The following GPR107 variants were observed in gnomAD, a reference collection of about 807,000 sequenced individuals.
The protein encoded by GPR107 is protein GPR107.
A neutral mutation model predicts 75.5 loss-of-function variants in GPR107; 31 were observed. The ratio of observed to expected loss-of-function variants is 0.41; its 90% CI spans 0.31 to 0.55. GPR107 has a LOEUF of 0.55. Ranked by LOEUF, GPR107 falls within the 20% of genes least tolerant of loss-of-function variation. GPR107 has a pLI of 0.26. For synonymous variants in GPR107, 267 were observed against 251.3 expected (o/e 1.06, Z -0.59); for missense variants, 572 against 665.7 (o/e 0.86, Z 1.55).
chr9:130,129,033 A>G (rs1447168391), intron 17 of GPR107: 1 of 333,218 alleles, frequency 3.0e-6, no homozygotes, highest in African/African-American at 2.1e-5. Context: ...ACTCAGTGGC[A>G]AGAACTTAGG....
At chr9:130,069,029 C>T (rs772734039) in intron 1 of GPR107, among the ~76,000 whole-genome samples, 4 of 152,068 alleles carry the variant, frequency 2.6e-5, no homozygotes, top group African/African-American at 7.2e-5. Flanking sequence ...TGTGAGCCAG[C>T]GTGCCCTGCC....
chr9:130,082,989 C>T (rs974171009), intron 5 of GPR107, among the ~76,000 whole-genome samples: 1 of 152,106 alleles, frequency 6.6e-6, no homozygotes, highest in Non-Finnish European at 1.5e-5. Context: ...GGTATGATCT[C>T]AGCTCACTGC....
At position 130,092,380 on chromosome 9, in the gene GPR107, C is replaced by G; in HGVS notation, c.862C>G (p.Arg288Gly). 1.2e-6 allele frequency: 2 copies of G among 1,610,744 alleles called. No individual in the cohort carries two copies. The change falls in exon 9 of 18, where the codon CGG becomes GGG. Residue 288 changes from arginine to glycine, a missense_variant and splice_region_variant. Arg to Gly is a moderately radical substitution (Grantham distance 125). Transcript: ENST00000347136. ...TIWIHILRKRRNDVFKIHWLM... is the reference protein window; with the variant it reads ...TIWIHILRKRGNDVFKIHWLM... ...CTGGATTCATATCCTTCGAAAACGA[C>G]GGTAAACTATTTCTCCCTTCAACTT...
intron 9 of GPR107, among the ~76,000 whole-genome samples, chr9:130,094,454 T>TTAC: frequency 6.6e-6 from 1 of 152,134 alleles, no homozygotes. Flanking sequence ...ACACCTGTAG[T>TTAC]GCTCACTACT....
Position 130,057,478 on chromosome 9 carries a change from G to T in GPR107, c.141+3405G>T, listed in dbSNP as rs957636175. Among the ~76,000 whole-genome samples the T allele has an allele frequency of 2.0e-5, 3 of 149,452 alleles. No homozygotes were observed. The Admixed American group carries it at 2.0e-4, about 10-fold the overall frequency. On this transcript the variant is annotated intron_variant, in intron 1 of 17. Transcript: ENST00000347136. ...TGAGCTATAATGGCTCCAGCCTGGG[G>T]GACAGAGTGAGACCCTATTTCTTAA...
chr9:130,056,102 T>C (rs533706254), intron 1 of GPR107, among the ~76,000 whole-genome samples: 2 of 151,828 alleles, frequency 1.3e-5, no homozygotes, highest in African/African-American at 4.8e-5. Flanking sequence ...TTTTGACTCT[T>C]TGAGAATCTG....
intron 1 of GPR107, among the ~76,000 whole-genome samples, chr9:130,068,867 T>G (rs1221835996): frequency 2.6e-5 from 4 of 151,786 alleles, no homozygotes; most frequent in Non-Finnish European, 1.5e-5. Flanking sequence ...GCCTTCTGAG[T>G]AGCTGGGACC....
chr9:130,130,882 A>AAG (rs1554898968), intron 17 of GPR107, among the ~76,000 whole-genome samples: 54 of 151,018 alleles, frequency 3.6e-4, no homozygotes, highest in African/African-American at 1.1e-3. Flanking sequence ...AAAAAGAAAA[A>AAG]AAAAAAAAAA....
Position 130,107,512 on chromosome 9 carries a change from CAAG to C in GPR107, c.1283_1285del (p.Glu428del). The C allele has an allele frequency of 6.3e-7, 1 of 1,598,096 alleles. No individual in the cohort carries two copies. The highest frequency in any genetic ancestry group is 2.2e-5 in the East Asian group (1 of 44,824). ...TATTTTTAGGTCAATCAGACATTTA[CAAG>C]AAGCATCAGCAACAGATGGAAAAGG... On this transcript the variant is annotated inframe_deletion, in exon 14 of 18. Coordinates refer to ENST00000347136, the MANE Select transcript of GPR107 (RefSeq NM_020960.5).
At chr9:130,096,432 AGAACTGCTCAAAT>A (rs1830870079) in intron 9 of GPR107, among the ~76,000 whole-genome samples, 1 of 150,740 alleles carries the variant, frequency 6.6e-6, no homozygotes, top group Non-Finnish European at 1.5e-5. Flanking sequence ...CCAGTAGTGG[AGAACTGCTCAAAT>A]GTGTTGCATA....
chr9:130,089,103 G>A (rs7871516), intron 7 of GPR107, among the ~76,000 whole-genome samples: 5,066 of 152,092 alleles, frequency 0.033, 284 homozygotes, highest in African/African-American at 0.12. Flanking sequence ...CCGGGAGGCT[G>A]AGGTTGCAAT....
chr9:130,060,992 A>G (rs1022892638), intron 1 of GPR107, among the ~76,000 whole-genome samples: 5 of 152,238 alleles, frequency 3.3e-5, no homozygotes, highest in Non-Finnish European at 5.9e-5. Context: ...AGGAGTATGC[A>G]CCTGAAACTT....
intron 9 of GPR107, among the ~76,000 whole-genome samples, chr9:130,096,259 T>A (rs1447788866): frequency 1.3e-5 from 2 of 151,998 alleles, no homozygotes; most frequent in Non-Finnish European, 2.9e-5. Flanking sequence ...TGACTTCCCT[T>A]TTGACCTTCA....
intron 14 of GPR107, among the ~76,000 whole-genome samples, chr9:130,109,508 G>A (rs1054447911): frequency 1.5e-4 from 23 of 151,048 alleles, no homozygotes; most frequent in African/African-American, 5.1e-4. Flanking sequence ...TTCTTTTATC[G>A]TGTTATATAA....
intron 14 of GPR107, among the ~76,000 whole-genome samples, chr9:130,111,781 C>T (rs1831309175): frequency 6.6e-6 from 1 of 152,106 alleles, no homozygotes; most frequent in Admixed American, 6.6e-5. Context: ...CTCTGGATTC[C>T]TTTTGACCAA....
chr9:130,134,546 G>C (rs1007946139), intron 17 of GPR107, among the ~76,000 whole-genome samples: 1 of 152,214 alleles, frequency 6.6e-6, no homozygotes, highest in Non-Finnish European at 1.5e-5. Context: ...GATCCTGGAA[G>C]GTTCCTCTAA....
intron 14 of GPR107, among the ~76,000 whole-genome samples, chr9:130,118,124 T>C (rs1034575050): frequency 2.0e-5 from 3 of 152,160 alleles, no homozygotes; most frequent in East Asian, 1.9e-4. Flanking sequence ...CTGGGTAACT[T>C]TGGTCATTTA....
At chr9:130,127,624 A>C (rs983191777) in intron 16 of GPR107, 58 bp downstream of exon 16, 1 of 896,100 alleles carries the variant, frequency 1.1e-6, no homozygotes, top group Middle Eastern at 2.1e-4. Flanking sequence ...AAAGTCTTGA[A>C]GTGTAACTTA....
chr9:130,059,945 G>C (rs1046408646), intron 1 of GPR107, among the ~76,000 whole-genome samples: 2 of 151,466 alleles, frequency 1.3e-5, no homozygotes, highest in East Asian at 3.9e-4. Flanking sequence ...TCACCATATT[G>C]GTCAGTCTGG....
Sources: gnomAD v4.1 joint callset for allele counts (sites outside exome capture counted in the v4.1 genomes callset) on GRCh38, gnomAD v4.1.1 for gene constraint, MANE v1.5 for transcripts, NCBI Gene and HGNC (gene_info 2026-07-23, HGNC 2026-07-21) for gene names.